The following SLC25A18 variants were observed in gnomAD, a reference collection of about 807,000 sequenced individuals.
The protein encoded by SLC25A18 is mitochondrial glutamate carrier 2.
SLC25A18 carries 24 observed loss-of-function variants against 31.1 expected under a neutral mutation model. The ratio of observed to expected loss-of-function variants is 0.77; its 90% CI spans 0.56 to 1.08. The LOEUF is 1.08. SLC25A18 is among the 50% of genes least tolerant of loss of function. The probability of loss-of-function intolerance (pLI) is 0.00; values close to 1 mark genes in which losing one functional copy is unlikely to be tolerated. For synonymous variants in SLC25A18, 173 were observed against 161.9 expected (o/e 1.07, Z -0.52); for missense variants, 371 against 418.5 (o/e 0.89, Z 0.99).
At chr22:17,569,607 CTGAG>C in intron 1 of SLC25A18, 1 of 985,454 alleles carries the variant, frequency 1.0e-6, no homozygotes, top group Non-Finnish European at 1.2e-6. Flanking sequence ...TTCCAGGTCT[CTGAG>C]TGGGCGGTGA....
chr22:17,579,617 T>C (rs914024416), intron 2 of SLC25A18, 128 bp from the exon 3 acceptor site: 11 of 661,250 alleles, frequency 1.7e-5, no homozygotes, highest in Non-Finnish European at 2.2e-5. Context: ...TCGAGGATTC[T>C]GATTTGAATC....
intron 2 of SLC25A18, among the ~76,000 whole-genome samples, chr22:17,577,612 G>T (rs1349322373): frequency 1.5e-5 from 2 of 132,054 alleles, no homozygotes; most frequent in African/African-American, 5.8e-5. Flanking sequence ...ATGGAGGCTC[G>T]CTGTGTCACC....
chr22:17,590,158 C>G lies in SLC25A18; in HGVS notation c.870C>G (p.Val290=), dbSNP rs778628488. The stretch of plus-strand genomic sequence containing the variant: ...AAGGCGCTGGCTGCCGGGCACTGGT[C>G]ATAGCACCTCTCTTTGGGATTGCTC... ...FMKGAGCRAL[V]IAPLFGIAQG... The change falls in exon 11 of 11, where the codon GTC becomes GTG. Residue 290 remains valine, a synonymous_variant. Transcript: ENST00000327451. 6.2e-7 allele frequency: 1 copy of G among 1,614,224 alleles called. No homozygotes were observed. Among genetic ancestry groups the G allele is most frequent in the East Asian group, 2.2e-5 (1 of 44,888 alleles).
chr22:17,566,003 C>T (rs1335861430), intron 1 of SLC25A18, among the ~76,000 whole-genome samples: 1 of 152,046 alleles, frequency 6.6e-6, no homozygotes, highest in Non-Finnish European at 1.5e-5. Flanking sequence ...TCTGTGTTTA[C>T]TTTTTTGAGG....
intron 7 of SLC25A18, chr22:17,585,527 A>G (rs1299969280): frequency 6.6e-6 from 1 of 152,158 alleles, no homozygotes; most frequent in Non-Finnish European, 1.5e-5. Context: ...ATCTAAGCAA[A>G]GCTTCTCAGA....
At chr22:17,576,744 C>G (rs142056850) in intron 2 of SLC25A18, among the ~76,000 whole-genome samples, 51 of 152,328 alleles carry the variant, frequency 3.3e-4, no homozygotes, top group Admixed American at 7.8e-4. Context: ...ACTGCAGCAG[C>G]TTGGTACAGC....
At chr22:17,575,087 G>A in intron 2 of SLC25A18, among the ~76,000 whole-genome samples, 1 of 151,412 alleles carries the variant, frequency 6.6e-6, no homozygotes, top group Non-Finnish European at 1.5e-5. Flanking sequence ...CGTGACCTCA[G>A]GTGATCCACC....
rs538848187 is a variant in SLC25A18, at chr22:17,587,446, C to G, written c.575+145C>G. 7.7e-5 allele frequency: 87 copies of G among 1,129,140 alleles called. 1 individual carries two copies. The African/African-American group carries it at 1.3e-3, about 17-fold the overall frequency. The allele number at this position is 1,129,140 out of a possible 1,614,324, so 69.9% of individuals were successfully genotyped here. On this transcript the variant is annotated intron_variant, in intron 8 of 10. Coordinates refer to ENST00000327451, the MANE Select transcript of SLC25A18 (RefSeq NM_031481.3). Reference sequence around the variant, plus strand: ...ACGATTTCCATGCTTCCTGTTTTGTCTGGAACTGGCCAGGGTGGCACAGAA... The same window carrying G: ...ACGATTTCCATGCTTCCTGTTTTGTGTGGAACTGGCCAGGGTGGCACAGAA...
intron 2 of SLC25A18, among the ~76,000 whole-genome samples, chr22:17,576,288 G>T (rs1480832706): frequency 2.0e-5 from 3 of 151,698 alleles, no homozygotes; most frequent in Non-Finnish European, 4.4e-5. Flanking sequence ...GGAGGCGGAG[G>T]TTACACAGTG....
intron 2 of SLC25A18, among the ~76,000 whole-genome samples, chr22:17,576,386 C>T (rs1239242416): frequency 1.3e-5 from 2 of 151,990 alleles, no homozygotes; most frequent in Non-Finnish European, 2.9e-5. Context: ...GAAGTCTATT[C>T]CCATCAGTGC....
intron 1 of SLC25A18, among the ~76,000 whole-genome samples, chr22:17,564,929 C>T (rs1175569519): frequency 6.6e-6 from 1 of 151,516 alleles, no homozygotes; most frequent in Non-Finnish European, 1.5e-5. Context: ...TTTTAATTAG[C>T]CAGGTTGATG....
intron 6 of SLC25A18, among the ~76,000 whole-genome samples, chr22:17,583,186 G>A (rs984018965): frequency 6.6e-6 from 1 of 152,232 alleles, no homozygotes. Flanking sequence ...AGTTTTCTCT[G>A]TCACTGTTTT....
Position 17,583,420 on chromosome 22 carries a change from C to T in SLC25A18, c.295C>T (p.Gln99Ter). 1 of 1,614,002 alleles carries T rather than the reference C, an allele frequency of 6.2e-7. No homozygotes were observed. The highest frequency in any genetic ancestry group is 8.5e-7 in the Non-Finnish European group (1 of 1,179,988). Residue 99 changes from glutamine (Q) to a stop codon, truncating the protein, a stop_gained, in exon 7 of 11, where the codon CAG becomes TAG. Transcript: ENST00000327451. LOFTEE classifies it high-confidence loss of function. Reference protein sequence around the residue: ...FRRLLMEDGMQRNLKMEMLAG... With the variant: ...FRRLLMEDGM ...GCCTGACGCCTGTTCCCATAGGATG[C>T]AGCGGAACCTGAAGATGGAGATGCT...
chr22:17,584,349 C>T (rs1488007117), intron 7 of SLC25A18, among the ~76,000 whole-genome samples: 6 of 149,268 alleles, frequency 4.0e-5, no homozygotes, highest in African/African-American at 1.5e-4. Context: ...GTGGAGCTTG[C>T]GCCACTGCAC....
At chr22:17,571,926 A>G (rs1034360317) in intron 2 of SLC25A18, among the ~76,000 whole-genome samples, 1 of 151,994 alleles carries the variant, frequency 6.6e-6, no homozygotes, top group Non-Finnish European at 1.5e-5. Context: ...CTGAGGCAGG[A>G]GAATCGCTTG....
Position 17,582,549 on chromosome 22 carries a change from T to C in SLC25A18, c.200-14T>C, listed in dbSNP as rs753089411. The C allele has an allele frequency of 1.3e-6, 2 of 1,579,382 alleles. No homozygotes were observed. The highest frequency in any genetic ancestry group is 2.3e-5 in the South Asian group (2 of 86,700). ...GGGATGGCCTTGACTCCCCATCTTG[T>C]CCTTCACTTCCAGGGGCTGCAGTGA... On this transcript the variant is annotated splice_polypyrimidine_tract_variant and intron_variant, in intron 5 of 10. Coordinates refer to ENST00000327451, the MANE Select transcript of SLC25A18 (RefSeq NM_031481.3).
chr22:17,581,499 G>C, intron 5 of SLC25A18, 86 bp downstream of exon 5: 1 of 1,491,560 alleles, frequency 6.7e-7, no homozygotes, highest in South Asian at 1.2e-5. Flanking sequence ...CGTTGCTGCG[G>C]GGATGGGGCC....
intron 2 of SLC25A18, among the ~76,000 whole-genome samples, chr22:17,571,181 T>C (rs2057078450): frequency 6.6e-6 from 1 of 152,126 alleles, no homozygotes; most frequent in Non-Finnish European, 1.5e-5. Context: ...TTCACCCACT[T>C]GGCCGTTTGG....
intron 2 of SLC25A18, chr22:17,570,434 G>A (rs1187686571): frequency 2.0e-5 from 3 of 152,296 alleles, no homozygotes; most frequent in Admixed American, 6.5e-5. Flanking sequence ...GTGGCTTCTT[G>A]ATTTGAGGAT....
Sources: allele counts gnomAD v4.1 joint callset (sites outside exome capture counted in the v4.1 genomes callset), GRCh38; gene constraint gnomAD v4.1.1; transcripts MANE v1.5; gene names NCBI Gene and HGNC (gene_info 2026-07-23, HGNC 2026-07-21).